Variants in H2BC12 observed in about 807,000 individuals in gnomAD.
H2BC12 encodes histone H2B type 1-K.
In H2BC12, 6 loss-of-function variants were observed where a neutral mutation model predicts 6.3. The observed-to-expected ratio is 0.95, with a 90% confidence interval of 0.52 to 1.87. The LOEUF (loss-of-function observed/expected upper bound fraction) is 1.87. H2BC12 is among the 40% of genes most tolerant of loss of function. The probability of loss-of-function intolerance (pLI) is 0.01; values close to 1 mark genes in which losing one functional copy is unlikely to be tolerated. For missense variants in H2BC12, 119 were observed against 178.4 expected (o/e 0.67, Z 1.90); for synonymous variants, 132 against 78.5 (o/e 1.68, Z -3.60).
Position 27,146,466 on chromosome 6 carries a change from G to A in H2BC12, c.333C>T (p.Ala111=), listed in dbSNP as rs771098474. 18 of 1,614,090 alleles carry A rather than the reference G, an allele frequency of 1.1e-5. No homozygotes were observed. Among genetic ancestry groups the A allele is most frequent in the African/African-American group, 6.7e-5 (5 of 74,934 alleles). The part of the protein sequence containing the change: ...LLLPGELAKH[A]VSEGTKAVTK... ...TGACGGCCTTGGTGCCCTCGGACACGGCGTGCTTGGCCAACTCCCCGGGCA... is the reference window on the plus strand; with the variant it reads ...TGACGGCCTTGGTGCCCTCGGACACAGCGTGCTTGGCCAACTCCCCGGGCA... The change falls in exon 1 of 1, where the codon GCC becomes GCT. Residue 111 remains alanine, a synonymous_variant. Transcript: ENST00000356950.
chr6:27,146,005 T>C (rs1428161271), downstream of H2BC12, among the ~76,000 whole-genome samples: 2 of 152,270 alleles, frequency 1.3e-5, no homozygotes, highest in East Asian at 1.9e-4. Flanking sequence ...TTTACTAATA[T>C]ATAAACTCAC....
At position 27,146,586 on chromosome 6, in the gene H2BC12, G is replaced by A. The variant is rs940566780; in HGVS notation, c.213C>T (p.Phe71=). Residue 71 remains phenylalanine, a synonymous_variant, in exon 1 of 1, where the codon TTC becomes TTT. Transcript: ENST00000356950. ...GIMNSFVNDI[F]ERIAGEASRL... ...GGGAAGCCTCACCCGCGATGCGTTC[G>A]AAGATGTCGTTGACGAAGGAGTTCA... 3 of 1,614,262 alleles carry A rather than the reference G, an allele frequency of 1.9e-6. No homozygotes were observed. The highest frequency in any genetic ancestry group is 2.5e-6 in the Non-Finnish European group (3 of 1,180,044).
At chr6:27,144,026 T>TA (rs1760038972), downstream of H2BC12, among the ~76,000 whole-genome samples, 1 of 152,016 alleles carries the variant, frequency 6.6e-6, no homozygotes, top group Non-Finnish European at 1.5e-5. Context: ...GACAAAGAGA[T>TA]ATATGGTATA....
the H2BC12 span, chr6:27,139,701 T>C: frequency 2.0e-6 from 3 of 1,506,094 alleles, no homozygotes; most frequent in Admixed American, 4.8e-5. Context: ...TTGAAATGAC[T>C]GCAAACTGAG....
chr6:27,140,586 T>G, the H2BC12 span, among the ~76,000 whole-genome samples: 1 of 152,010 alleles, frequency 6.6e-6, no homozygotes, highest in South Asian at 2.1e-4. Flanking sequence ...GGAAGTGGAA[T>G]TATTTGGTAA....
downstream of H2BC12, among the ~76,000 whole-genome samples, chr6:27,144,462 G>GC (rs1760045037): frequency 1.3e-4 from 4 of 30,072 alleles, 1 homozygote; most frequent in African/African-American, 3.7e-4. Flanking sequence ...ACTCTGTCTG[G>GC]GGGGGGGGGG....
chr6:27,143,872 TA>T (rs1361534556), downstream of H2BC12, among the ~76,000 whole-genome samples: 1 of 144,610 alleles, frequency 6.9e-6, no homozygotes, highest in Non-Finnish European at 1.5e-5. Context: ...AAAAAAAATT[TA>T]TGAGACAGGA....
At chr6:27,140,518 A>ATT in the H2BC12 span, among the ~76,000 whole-genome samples, 1 of 146,104 alleles carries the variant, frequency 6.8e-6, no homozygotes, top group Non-Finnish European at 1.5e-5. Context: ...TTCTCTGTTG[A>ATT]TTTTTTTTCC....
rs773385481 is a variant in H2BC12, at chr6:27,146,460, G to C, written c.339C>G (p.Ser113=). Residue 113 remains serine (S), a synonymous_variant, in exon 1 of 1, where the codon TCC becomes TCG. Coordinates refer to ENST00000356950, the MANE Select transcript of H2BC12 (RefSeq NM_001312653.2). ...ACTTGGTGACGGCCTTGGTGCCCTC[G>C]GACACGGCGTGCTTGGCCAACTCCC... The part of the protein sequence containing the change: ...LPGELAKHAV[S]EGTKAVTKYT... The C allele has an allele frequency of 6.8e-6, 11 of 1,614,198 alleles. No individual in the cohort carries two copies. The highest frequency in any genetic ancestry group is 8.5e-6 in the Non-Finnish European group (10 of 1,180,030).
the H2BC12 span, chr6:27,138,884 T>A: frequency 1.3e-5 from 2 of 154,784 alleles, no homozygotes; most frequent in African/African-American, 2.4e-5. Flanking sequence ...ATTCTATGAG[T>A]CTATCTTGTT....
chr6:27,146,802 G>A lies in H2BC12; in HGVS notation c.-4C>T, dbSNP rs780261484. 2.5e-6 allele frequency: 4 copies of A among 1,613,554 alleles called. No homozygotes were observed. The highest frequency in any genetic ancestry group is 2.2e-5 in the East Asian group (1 of 44,894). On this transcript the variant is annotated 5_prime_UTR_variant, in exon 1 of 1. Coordinates refer to ENST00000356950, the MANE Select transcript of H2BC12 (RefSeq NM_001312653.2). Reference sequence around the variant, plus strand: ...CGGACTTCGCTGGTTCCGGCATGTTGAAGGCGAACTACGAGCCTGAGACGA... The same window carrying A: ...CGGACTTCGCTGGTTCCGGCATGTTAAAGGCGAACTACGAGCCTGAGACGA...
chr6:27,139,278 C>T, the H2BC12 span: 369 of 1,563,558 alleles, frequency 2.4e-4, 11 homozygotes, highest in South Asian at 1.3e-3. Context: ...CCATCACAGG[C>T]AGCAGACCTT....
chr6:27,140,915 G>C, the H2BC12 span, among the ~76,000 whole-genome samples: 4 of 150,868 alleles, frequency 2.7e-5, no homozygotes, highest in African/African-American at 7.3e-5. Context: ...GTTTTTAACT[G>C]TTCGTGATAT....
In H2BC12 at chr6:27,146,487, G is replaced by T; in HGVS notation, c.312C>A (p.Pro104=). 10 of 1,614,212 alleles carry T rather than the reference G, an allele frequency of 6.2e-6. No individual in the cohort carries two copies. The highest frequency in any genetic ancestry group is 7.6e-6 in the Non-Finnish European group (9 of 1,180,036). Reference sequence around the variant, plus strand: ...ACACGGCGTGCTTGGCCAACTCCCCGGGCAGCAGCAGGCGCACGGCCGTCT... The same window carrying T: ...ACACGGCGTGCTTGGCCAACTCCCCTGGCAGCAGCAGGCGCACGGCCGTCT... The part of the protein sequence containing the change: ...EIQTAVRLLL[P]GELAKHAVSE... The change falls in exon 1 of 1, where the codon CCC becomes CCA. Residue 104 remains proline (P), a synonymous_variant. Transcript: ENST00000356950.
At chr6:27,140,348 C>T in the H2BC12 span, among the ~76,000 whole-genome samples, 1 of 152,136 alleles carries the variant, frequency 6.6e-6, no homozygotes, top group East Asian at 1.9e-4. Context: ...GTTTACTGTT[C>T]CCACGCGTTT....
chr6:27,145,992 A>G (rs1760071366), downstream of H2BC12, among the ~76,000 whole-genome samples: 2 of 152,220 alleles, frequency 1.3e-5, no homozygotes, highest in Admixed American at 6.5e-5. Context: ...ATCGGGAACC[A>G]AATTTACTAA....
downstream of H2BC12, among the ~76,000 whole-genome samples, chr6:27,143,173 G>A (rs1296255545): frequency 1.3e-5 from 2 of 151,912 alleles, no homozygotes; most frequent in Admixed American, 1.3e-4. Context: ...CCAACATGGT[G>A]AAATCCCATC....
In H2BC12 at chr6:27,146,821, G is replaced by GT. The variant is rs538641311; in HGVS notation, c.-24_-23insA. On this transcript the variant is annotated 5_prime_UTR_variant, in exon 1 of 1. Coordinates refer to ENST00000356950, the MANE Select transcript of H2BC12 (RefSeq NM_001312653.2). ...CATGTTGAAGGCGAACTACGAGCCT[G>GT]AGACGAGCAGCAGATCGAGAAAACG... is the stretch of plus-strand genomic sequence containing the variant. 357 of 1,610,064 alleles carry GT rather than the reference G, an allele frequency of 2.2e-4. No individual in the cohort carries two copies. In the African/African-American group the frequency reaches 4.1e-3, roughly 19 times the overall value.
At chr6:27,144,531 G>A (rs919315327), downstream of H2BC12, among the ~76,000 whole-genome samples, 3 of 149,886 alleles carry the variant, frequency 2.0e-5, no homozygotes, top group South Asian at 6.3e-4. Context: ...AGGGAGAAAA[G>A]GGGTGAGGGT....
Sources: gnomAD v4.1 joint callset for allele counts (sites outside exome capture counted in the v4.1 genomes callset) on GRCh38, gnomAD v4.1.1 for gene constraint, MANE v1.5 for transcripts, NCBI Gene and HGNC (gene_info 2026-07-23, HGNC 2026-07-21) for gene names.